Variants in FAT1 observed in about 807,000 individuals in gnomAD.
The protein encoded by FAT1 is protocadherin Fat 1.
FAT1 carries 171 observed loss-of-function variants against 329.8 expected under a neutral mutation model. The observed-to-expected ratio is 0.52, with a 90% CI of 0.46 to 0.59. FAT1 has a LOEUF of 0.59. Ranked by LOEUF, FAT1 falls within the 20% of genes least tolerant of loss-of-function variation. FAT1 has a pLI of 0.00. For synonymous variants in FAT1, 2,233 were observed against 2,228.6 expected, an observed-to-expected ratio of 1.00 and a Z score of -0.06; for missense variants, 5,672 against 5,774.4, an observed-to-expected ratio of 0.98 and a Z score of 0.57.
At position 186,596,098 on chromosome 4, in the gene FAT1, T is replaced by TA. The variant is rs1560917416; in HGVS notation, c.13001-273dup. Among the ~76,000 whole-genome samples, 1 of 152,022 alleles carries TA rather than the reference T, an allele frequency of 6.6e-6. No homozygotes were observed. The highest frequency in any genetic ancestry group is 1.5e-5 in the Non-Finnish European group (1 of 68,018). On this transcript the variant is annotated intron_variant, in intron 25 of 26. Transcript: ENST00000441802. The surrounding 1 kb of genome is among the most constrained non-coding windows in gnomAD (Gnocchi z 4.7). ...GGTATCATTAGACAGTAAAGGCTGC[T>TA]AAAATTTTGTTTTAAAATAGTATGT...
intron 7 of FAT1, among the ~76,000 whole-genome samples, chr4:186,631,606 C>T (rs1386120171): frequency 6.6e-6 from 1 of 151,578 alleles, no homozygotes; most frequent in Admixed American, 6.6e-5. Flanking sequence ...ACCCTAGTGT[C>T]TCACCTCCCA....
upstream of FAT1, among the ~76,000 whole-genome samples, chr4:186,725,934 A>G (rs553137583): frequency 6.6e-6 from 1 of 152,218 alleles, no homozygotes; most frequent in Admixed American, 6.5e-5. The surrounding 1 kb of genome is among the most constrained non-coding windows in gnomAD (Gnocchi z 5.4). Flanking sequence ...GCAAGCGCCC[A>G]CGTCGCCGAG....
chr4:186,689,418 C>G (rs1017559291), intron 2 of FAT1, among the ~76,000 whole-genome samples: 6 of 152,158 alleles, frequency 3.9e-5, no homozygotes, highest in Non-Finnish European at 8.8e-5. Flanking sequence ...GCATTCACAT[C>G]CAATGACCCA....
rs2126412635 is a variant in FAT1 at position 186,600,151 on chromosome 4, C to T, written c.11850G>A (p.Val3950=). 6.2e-7 allele frequency: 1 copy of T among 1,614,060 alleles called. No individual in the cohort carries two copies. Among genetic ancestry groups the T allele is most frequent in the Non-Finnish European group, 8.5e-7 (1 of 1,179,886 alleles). ...TLKTLNLDNY[V]FFGGHIRQQG... ...GCTGACGGATGTGGCCACCAAAAAA[C>T]ACATAGTTATCCAGGTTCAGGGTTT... Residue 3950 remains valine, a synonymous_variant, in exon 22 of 27, where the codon GTG becomes GTA. Coordinates refer to ENST00000441802, the MANE Select transcript of FAT1 (RefSeq NM_005245.4).
Position 186,708,209 on chromosome 4 carries a change from G to A in FAT1, c.1619C>T (p.Ala540Val), listed in dbSNP as rs1336239944. 6.2e-7 allele frequency: 1 copy of A among 1,613,876 alleles called. No homozygotes were observed. The highest frequency in any genetic ancestry group is 1.3e-5 in the African/African-American group (1 of 74,920). The change falls in exon 2 of 27, where the codon GCA becomes GTA. Residue 540 changes from alanine to valine, a missense_variant. Physicochemically the swap from Ala to Val is moderately conservative, Grantham distance 64. Coordinates refer to ENST00000441802, the MANE Select transcript of FAT1 (RefSeq NM_005245.4). ...MPRVYTLRIRASDWGLPYRRE... is the reference protein window; with the variant it reads ...MPRVYTLRIRVSDWGLPYRRE... ...GCGGTACGGCAAGCCCCAGTCTGAT[G>A]CACGAATCCTCAGAGTATAAACCCG...
rs913363238 is a variant in FAT1, at chr4:186,707,950, T to C, written c.1878A>G (p.Leu626=). The change falls in exon 2 of 27, where the codon TTA becomes TTG. Residue 626 remains leucine (L), a synonymous_variant. Transcript: ENST00000441802. ...CTAAGCCATCCATTAGCGATCGCTT[T>C]AATGACAATACCCCCGAGTTGGGGT... ...SLNPNSGVLS[L]KRSLMDGLGA... 6.2e-7 allele frequency: 1 copy of C among 1,613,862 alleles called. No homozygotes were observed. The highest frequency in any genetic ancestry group is 1.3e-5 in the African/African-American group (1 of 74,936).
In FAT1 at chr4:186,708,328, G is replaced by C. The variant is rs1457778952; in HGVS notation, c.1500C>G (p.Tyr500Ter). ...PDEGENGYVTYSIANLNHVPF... is the reference protein window; with the variant it reads ...PDEGENGYVT ...GCACATGATTTAAATTTGCGATACT[G>C]TATGTCACGTACCCGTTCTCACCCT... Residue 500 changes from tyrosine to a stop codon, truncating the protein, a stop_gained, in exon 2 of 27, where the codon TAC becomes TAG. Coordinates refer to ENST00000441802, the MANE Select transcript of FAT1 (RefSeq NM_005245.4). LOFTEE classifies it high-confidence loss of function. 1 of 1,613,930 alleles carries C rather than the reference G, an allele frequency of 6.2e-7. No individual in the cohort carries two copies. The highest frequency in any genetic ancestry group is 8.5e-7 in the Non-Finnish European group (1 of 1,179,860).
intron 2 of FAT1, among the ~76,000 whole-genome samples, chr4:186,666,436 G>A (rs1357820409): frequency 6.6e-6 from 1 of 152,172 alleles, no homozygotes; most frequent in Non-Finnish European, 1.5e-5. Context: ...AAAGACGTCA[G>A]GGGATAACAG....
At chr4:186,625,887 G>T (rs1740280225) in intron 9 of FAT1, among the ~76,000 whole-genome samples, 1 of 152,210 alleles carries the variant, frequency 6.6e-6, no homozygotes, top group East Asian at 1.9e-4. Context: ...TACGTACCAT[G>T]CCCAGGAGGA....
intron 2 of FAT1, among the ~76,000 whole-genome samples, chr4:186,678,632 TTAC>T (rs1246345451): frequency 7.4e-5 from 11 of 148,970 alleles, no homozygotes; most frequent in African/African-American, 2.7e-4. Context: ...TAATATATTA[TTAC>T]TTTTATATAC....
At position 186,706,799 on chromosome 4, in the gene FAT1, A is replaced by T. The variant is rs762688063; in HGVS notation, c.3029T>A (p.Val1010Asp). The change falls in exon 2 of 27, where the codon GTT (valine) becomes GAT (aspartate). Residue 1010 changes from valine (V) to aspartate (D), a missense_variant. Coordinates refer to ENST00000441802, the MANE Select transcript of FAT1 (RefSeq NM_005245.4). The part of the protein sequence containing the change: ...TVRAKDKGKP[V>D]SLSSTCYVEV... ...AACATAGCAAGTAGAAGACAGAGAA[A>T]CTGGCTTTCCCTTGTCTTTGGCCCT... The T allele has an allele frequency of 1.2e-6, 2 of 1,613,952 alleles. No homozygotes were observed. Among genetic ancestry groups the T allele is most frequent in the Non-Finnish European group, 1.7e-6 (2 of 1,179,882 alleles).
At chr4:186,666,964 T>C (rs376283408) in intron 2 of FAT1, among the ~76,000 whole-genome samples, 3 of 152,002 alleles carry the variant, frequency 2.0e-5, no homozygotes, top group African/African-American at 4.8e-5. Context: ...GACAAAAGAG[T>C]AAACAAAACT....
At chr4:186,646,383 A>G (rs1741385588) in intron 3 of FAT1, among the ~76,000 whole-genome samples, 1 of 152,178 alleles carries the variant, frequency 6.6e-6, no homozygotes, top group Non-Finnish European at 1.5e-5. Flanking sequence ...ACAGCCATAC[A>G]CGTTCTAGAA....
rs893084896 is a variant in FAT1, at chr4:186,663,247, C to G, written c.3580+52G>C. The G allele has an allele frequency of 2.2e-6, 3 of 1,351,122 alleles. No homozygotes were observed. In the African/African-American group the frequency reaches 4.3e-5, roughly 20 times the overall value. 83.7% of individuals were successfully genotyped at this position (1,351,122 alleles called of 1,614,324 possible). On this transcript the variant is annotated intron_variant, in intron 3 of 26. Transcript: ENST00000441802. ...TAAATGCTAATTCTTACTTTTCCCC[C>G]TAACAGAAAAGCATAAGCATAAACA... is the stretch of plus-strand genomic sequence containing the variant.
chr4:186,635,956 C>T (rs1740797139), intron 6 of FAT1, 69 bp downstream of exon 6: 3 of 1,376,498 alleles, frequency 2.2e-6, no homozygotes, highest in Non-Finnish European at 3.1e-6. Flanking sequence ...GCCCAAAACT[C>T]ATCAAACCGT....
chr4:186,636,135 A>G lies in FAT1; in HGVS notation c.4073T>C (p.Phe1358Ser). The G allele has an allele frequency of 6.2e-7, 1 of 1,614,042 alleles. No individual in the cohort carries two copies. The highest frequency in any genetic ancestry group is 1.7e-5 in the Admixed American group (1 of 60,030). The part of the protein sequence containing the change: ...KPKPSLEPIS[F>S]EESFFTFTVM... ...AGTAAAGGTAAAAAATGATTCTTCA[A>G]ATGAAATGGGCTCCAGGGACGGTTT... Residue 1358 changes from phenylalanine to serine, a missense_variant, in exon 6 of 27, where the codon TTT (phenylalanine) becomes TCT (serine). Coordinates refer to ENST00000441802, the MANE Select transcript of FAT1 (RefSeq NM_005245.4).
intron 22 of FAT1, among the ~76,000 whole-genome samples, chr4:186,598,998 C>T (rs527824119): frequency 1.8e-4 from 28 of 152,284 alleles, no homozygotes; most frequent in East Asian, 1.9e-4. Flanking sequence ...GGGCCAGGGC[C>T]TTTAGGAGCC....
chr4:186,606,837 T>C (rs1457495898), intron 16 of FAT1, among the ~76,000 whole-genome samples: 2 of 152,200 alleles, frequency 1.3e-5, no homozygotes, highest in East Asian at 1.9e-4. Flanking sequence ...CTAGAATGAG[T>C]TGTGGGAGAA....
At chr4:186,706,329 A>G (rs1744588086) in intron 2 of FAT1, among the ~76,000 whole-genome samples, 2 of 152,122 alleles carry the variant, frequency 1.3e-5, no homozygotes, top group African/African-American at 4.8e-5. Context: ...CTGGTCTTTT[A>G]CTCACTTTAC....
Sources: allele counts gnomAD v4.1 joint callset (sites outside exome capture counted in the v4.1 genomes callset), GRCh38; gene constraint gnomAD v4.1.1; non-coding constraint Gnocchi (gnomAD v3.1); transcripts MANE v1.5; gene names NCBI Gene and HGNC (gene_info 2026-07-23, HGNC 2026-07-21).